Variants in HECW1 observed in about 807,000 individuals in gnomAD.
The protein encoded by HECW1 is HECT, C2 and WW domain containing E3 ubiquitin protein ligase 1.
In HECW1, 61 loss-of-function variants were observed where a neutral mutation model predicts 182.3. The ratio of observed to expected loss-of-function variants is 0.33; its 90% confidence interval spans 0.27 to 0.41. The LOEUF (loss-of-function observed/expected upper bound fraction) is 0.41, where lower values mean the gene tolerates loss of function less well. Ranked by LOEUF, HECW1 falls within the 10% of genes least tolerant of loss-of-function variation. HECW1 has a pLI of 1.00. For synonymous variants in HECW1, 859 were observed against 832.6 expected (o/e 1.03, Z -0.55); for missense variants, 1,739 against 2,108.9 (o/e 0.82, Z 3.44).
At chr7:43,146,965 T>C (rs1788785455) in intron 2 of HECW1, among the ~76,000 whole-genome samples, 1 of 152,238 alleles carries the variant, frequency 6.6e-6, no homozygotes, top group African/African-American at 2.4e-5. Context: ...GGGGGTGCCA[T>C]ATTGCTTCTA....
chr7:43,339,528 C>T (rs923041186), intron 5 of HECW1, among the ~76,000 whole-genome samples: 1 of 152,164 alleles, frequency 6.6e-6, no homozygotes, highest in Admixed American at 6.5e-5. Flanking sequence ...TACATCATTG[C>T]TTCTTTAAAG....
At chr7:43,417,416 C>G (rs1032783270) in intron 8 of HECW1, among the ~76,000 whole-genome samples, 22 of 152,158 alleles carry the variant, frequency 1.4e-4, no homozygotes, top group Non-Finnish European at 2.9e-4. Flanking sequence ...GAGCTCCTTC[C>G]CCTGGCCTTT....
intron 3 of HECW1, among the ~76,000 whole-genome samples, chr7:43,257,965 C>T (rs138979625): frequency 1.3e-5 from 2 of 152,230 alleles, no homozygotes; most frequent in African/African-American, 4.8e-5. Flanking sequence ...TTAGTCTTCC[C>T]AATCCTATGA....
chr7:43,501,333 T>G lies in HECW1; in HGVS notation c.3631+11T>G. 2.0e-6 allele frequency: 3 copies of G among 1,487,058 alleles called. 1 individual carries two copies. Among genetic ancestry groups the G allele is most frequent in the Non-Finnish European group, 2.8e-6 (3 of 1,066,912 alleles). 92.1% of individuals were successfully genotyped at this position (1,487,058 alleles called of 1,614,324 possible). A position where few individuals can be genotyped will look rare whatever the true frequency, so the allele number is the denominator to read the frequency against. Reference sequence around the variant, plus strand: ...CTCAGAACTCCCCAGGTAACAGGAATCTGGCCTAATAGCTCCTGTTAAGTG... The same window carrying G: ...CTCAGAACTCCCCAGGTAACAGGAAGCTGGCCTAATAGCTCCTGTTAAGTG... On this transcript the variant is annotated intron_variant, in intron 21 of 29. Transcript: ENST00000395891.
intron 2 of HECW1, among the ~76,000 whole-genome samples, chr7:43,177,449 G>T (rs1792375207): frequency 1.3e-5 from 2 of 152,166 alleles, no homozygotes; most frequent in African/African-American, 4.8e-5. Context: ...GACTGAGTTT[G>T]TCCCTCATCA....
intron 2 of HECW1, among the ~76,000 whole-genome samples, chr7:43,200,370 A>C (rs1794919554): frequency 6.6e-6 from 1 of 152,228 alleles, no homozygotes; most frequent in Non-Finnish European, 1.5e-5. Context: ...TCAAAAACTT[A>C]AGAATGGAAA....
intron 2 of HECW1, among the ~76,000 whole-genome samples, chr7:43,199,801 C>A (rs150133007): frequency 6.6e-6 from 1 of 152,118 alleles, no homozygotes; most frequent in Non-Finnish European, 1.5e-5. Flanking sequence ...CCAGTACCCA[C>A]GAATGAGTGC....
chr7:43,439,957 C>T (rs563276641), intron 9 of HECW1: 2 of 152,426 alleles, frequency 1.3e-5, no homozygotes, highest in Admixed American at 1.3e-4. Flanking sequence ...TCCTCCCACC[C>T]TCTTTGATGG....
Position 43,152,417 on chromosome 7 carries a change from T to A in HECW1, c.-32+38026T>A, listed in dbSNP as rs1789436218. ...TAAGAGGCATAAATTAATAAAATCG[T>A]AACAATCCAGAACTAAAGTTTCAAA... On this transcript the variant is annotated intron_variant, in intron 2 of 29. Transcript: ENST00000395891. 3.9e-5 allele frequency among the ~76,000 whole-genome samples: 6 copies of A among 152,354 alleles called. 1 individual carries two copies. The South Asian group carries it at 1.2e-3, about 32-fold the overall frequency.
chr7:43,542,143 ACT>A, intron 26 of HECW1, 145 bp downstream of exon 26: 1 of 656,064 alleles, frequency 1.5e-6, no homozygotes. Flanking sequence ...AATCTCCAGA[ACT>A]TTTTCATCTT....
chr7:43,411,299 T>C (rs2075796296), intron 8 of HECW1, among the ~76,000 whole-genome samples: 2 of 152,184 alleles, frequency 1.3e-5, no homozygotes, highest in African/African-American at 4.8e-5. Context: ...CTAAATATCT[T>C]CTTGTTACTG....
chr7:43,222,692 A>G (rs1797087514), intron 2 of HECW1, among the ~76,000 whole-genome samples: 1 of 152,188 alleles, frequency 6.6e-6, no homozygotes, highest in Non-Finnish European at 1.5e-5. Flanking sequence ...GAAACCTGAC[A>G]TGTGTGAGAT....
intron 5 of HECW1, among the ~76,000 whole-genome samples, chr7:43,354,878 A>C (rs1462313378): frequency 6.6e-6 from 1 of 152,196 alleles, no homozygotes; most frequent in Non-Finnish European, 1.5e-5. Context: ...TCAAACTTTC[A>C]AAGGTCAAGG....
chr7:43,128,441 G>A (rs958733270), intron 2 of HECW1, among the ~76,000 whole-genome samples: 3 of 152,162 alleles, frequency 2.0e-5, no homozygotes, highest in Non-Finnish European at 4.4e-5. Context: ...TTGAATGGCA[G>A]CACATCTGTT....
In HECW1 at chr7:43,381,241, G is replaced by T. The variant is rs137944023; in HGVS notation, c.556-15573G>T. Among the ~76,000 whole-genome samples the T allele has an allele frequency of 6.6e-5, 10 of 152,184 alleles. No individual in the cohort carries two copies. The East Asian group carries it at 1.9e-3, about 29-fold the overall frequency. ...TAGTTCTTTATATATTCTGGATATA[G>T]TTCTTTGTTATATATCTTCTACCTG... is the stretch of plus-strand genomic sequence containing the variant. On this transcript the variant is annotated intron_variant, in intron 6 of 29. Transcript: ENST00000395891.
At chr7:43,424,569 G>A (rs949879250) in intron 8 of HECW1, among the ~76,000 whole-genome samples, 2 of 152,084 alleles carry the variant, frequency 1.3e-5, no homozygotes, top group South Asian at 2.1e-4. Context: ...GCTGCAGTGA[G>A]CCATGATCAC....
rs528194553 is a variant in HECW1, at chr7:43,474,303, G to C, written c.3099+5198G>C. On this transcript the variant is annotated intron_variant, in intron 16 of 29. Coordinates refer to ENST00000395891, the MANE Select transcript of HECW1 (RefSeq NM_015052.5). The stretch of plus-strand genomic sequence containing the variant: ...TCTCTACTAAAAATACAAAAAATTA[G>C]CTGGGCATGGTGGCGGGTGCCTGTA... 1.3e-3 allele frequency among the ~76,000 whole-genome samples: 197 copies of C among 152,194 alleles called. 1 individual carries two copies. The highest frequency in any genetic ancestry group is 4.4e-3 in the African/African-American group (182 of 41,534).
At chr7:43,251,058 A>AC (rs777221315) in intron 3 of HECW1, among the ~76,000 whole-genome samples, 4 of 151,784 alleles carry the variant, frequency 2.6e-5, no homozygotes, top group Non-Finnish European at 4.4e-5. Flanking sequence ...CAGGGACCCC[A>AC]CCCCCCTTAC....
intron 6 of HECW1, among the ~76,000 whole-genome samples, chr7:43,371,166 C>T (rs1291949406): frequency 2.6e-5 from 4 of 152,056 alleles, no homozygotes; most frequent in African/African-American, 9.7e-5. Context: ...GGATTACAGG[C>T]GTGAGCCACC....
Sources: allele counts gnomAD v4.1 joint callset (sites outside exome capture counted in the v4.1 genomes callset), GRCh38; gene constraint gnomAD v4.1.1; transcripts MANE v1.5; gene names NCBI Gene and HGNC (gene_info 2026-07-23, HGNC 2026-07-21).